Variants in SLC25A42 observed in about 807,000 individuals in gnomAD.
SLC25A42 encodes solute carrier family 25 member 42.
In SLC25A42, 19 loss-of-function variants were observed where a neutral mutation model predicts 34.7. That is an observed-to-expected ratio of 0.55 (90% CI 0.38 to 0.80). The LOEUF (loss-of-function observed/expected upper bound fraction) is 0.80, where lower values mean the gene tolerates loss of function less well. SLC25A42 is among the 30% of genes least tolerant of loss of function. The probability of loss-of-function intolerance (pLI) is 0.00; values close to 1 mark genes in which losing one functional copy is unlikely to be tolerated. For missense variants in SLC25A42, 364 were observed against 441.3 expected (o/e 0.82, Z 1.57); for synonymous variants, 205 against 191.2 (o/e 1.07, Z -0.59).
rs750560388 is a variant in SLC25A42 at position 19,104,904 on chromosome 19, T to G, written c.188-9T>G. On this transcript the variant is annotated splice_polypyrimidine_tract_variant and intron_variant, in intron 3 of 7. Transcript: ENST00000318596. ...ATCTCAGTGGCTTTTGTGCTTTTGTTTTTTCCAGTGTCTTCAAAAAGATTT... is the reference window on the plus strand; with the variant it reads ...ATCTCAGTGGCTTTTGTGCTTTTGTGTTTTCCAGTGTCTTCAAAAAGATTT... The G allele has an allele frequency of 1.2e-6, 2 of 1,614,104 alleles. No individual in the cohort carries two copies. The highest frequency in any genetic ancestry group is 3.3e-5 in the Admixed American group (2 of 60,010).
Position 19,084,203 on chromosome 19 carries a change from G to T in SLC25A42, c.-34-11888G>T, listed in dbSNP as rs2059695287. Among the ~76,000 whole-genome samples the T allele has an allele frequency of 2.0e-5, 3 of 152,146 alleles. No homozygotes were observed. In the South Asian group the frequency reaches 6.2e-4, roughly 32 times the overall value. ...AGTGTGCCCCGGCAGGCACCTTTGGGGTGTTGCACACACCATCTCCCACCC... is the reference window on the plus strand; with the variant it reads ...AGTGTGCCCCGGCAGGCACCTTTGGTGTGTTGCACACACCATCTCCCACCC... On this transcript the variant is annotated intron_variant, in intron 1 of 7. Coordinates refer to ENST00000318596, the MANE Select transcript of SLC25A42 (RefSeq NM_178526.5).
intron 6 of SLC25A42, among the ~76,000 whole-genome samples, chr19:19,107,202 A>G (rs948331562): frequency 4.0e-5 from 6 of 151,346 alleles, no homozygotes; most frequent in African/African-American, 1.5e-4. Context: ...CTGTGATCCC[A>G]GCTGCTCCAG....
intron 2 of SLC25A42, among the ~76,000 whole-genome samples, chr19:19,101,007 C>A (rs2059793477): frequency 6.6e-6 from 1 of 152,186 alleles, no homozygotes; most frequent in African/African-American, 2.4e-5. Context: ...ATGCTCTCTG[C>A]CACTTCTCAG....
intron 1 of SLC25A42, among the ~76,000 whole-genome samples, chr19:19,092,430 C>T (rs1361195667): frequency 2.0e-5 from 3 of 152,178 alleles, no homozygotes; most frequent in Admixed American, 1.3e-4. Context: ...GGGTGCCACT[C>T]GAGGCTGAGC....
chr19:19,080,489 G>A (rs1411987155), intron 1 of SLC25A42, among the ~76,000 whole-genome samples: 1 of 152,074 alleles, frequency 6.6e-6, no homozygotes, highest in Non-Finnish European at 1.5e-5. Flanking sequence ...TGATGAAATA[G>A]GTCCCTCCCA....
rs1320663118 is a variant in SLC25A42 at position 19,104,909 on chromosome 19, C to G, written c.188-4C>G. ...AGTGGCTTTTGTGCTTTTGTTTTTT[C>G]CAGTGTCTTCAAAAAGATTTTCTGC... On this transcript the variant is annotated splice_region_variant and splice_polypyrimidine_tract_variant and intron_variant, in intron 3 of 7. Coordinates refer to ENST00000318596, the MANE Select transcript of SLC25A42 (RefSeq NM_178526.5). The G allele has an allele frequency of 6.2e-7, 1 of 1,614,094 alleles. No homozygotes were observed. Among genetic ancestry groups the G allele is most frequent in the South Asian group, 1.1e-5 (1 of 91,078 alleles).
intron 3 of SLC25A42, among the ~76,000 whole-genome samples, chr19:19,103,873 G>A (rs775024809): frequency 1.4e-5 from 2 of 147,490 alleles, no homozygotes; most frequent in African/African-American, 2.5e-5. Context: ...GCAGGCCTTC[G>A]AAAGGGACAG....
At chr19:19,097,495 G>A (rs1190384946) in intron 2 of SLC25A42, among the ~76,000 whole-genome samples, 2 of 152,226 alleles carry the variant, frequency 1.3e-5, no homozygotes, top group Admixed American at 6.5e-5. Flanking sequence ...TTGAGGCAGC[G>A]GTGGCTGCTG....
At chr19:19,094,033 G>A (rs1466003902) in intron 1 of SLC25A42, among the ~76,000 whole-genome samples, 2 of 152,214 alleles carry the variant, frequency 1.3e-5, no homozygotes, top group South Asian at 2.1e-4. Context: ...GACCCTAGTC[G>A]TCACACTCCA....
At chr19:19,088,575 C>T (rs1449011889) in intron 1 of SLC25A42, among the ~76,000 whole-genome samples, 4 of 152,022 alleles carry the variant, frequency 2.6e-5, no homozygotes, top group African/African-American at 9.7e-5. Flanking sequence ...CCGCAACCTC[C>T]GCCTCCTGGG....
chr19:19,108,340 C>T (rs1489258637), intron 7 of SLC25A42, among the ~76,000 whole-genome samples: 2 of 152,126 alleles, frequency 1.3e-5, no homozygotes, highest in Non-Finnish European at 2.9e-5. Flanking sequence ...CACTTGAGGT[C>T]AGGAGTTGCA....
chr19:19,080,079 T>TGGG (rs2059673453), intron 1 of SLC25A42, among the ~76,000 whole-genome samples: 1 of 151,982 alleles, frequency 6.6e-6, no homozygotes, highest in Non-Finnish European at 1.5e-5. Context: ...GCAGGATGGG[T>TGGG]GGGAGTCAGG....
At chr19:19,073,580 T>G (rs2059641221) in intron 1 of SLC25A42, among the ~76,000 whole-genome samples, 1 of 147,056 alleles carries the variant, frequency 6.8e-6, no homozygotes, top group African/African-American at 2.5e-5. Context: ...ACATGGGGCT[T>G]TTTTTTTTTT....
At chr19:19,072,757 C>A (rs1370550296) in intron 1 of SLC25A42, among the ~76,000 whole-genome samples, 1 of 152,124 alleles carries the variant, frequency 6.6e-6, no homozygotes, top group Non-Finnish European at 1.5e-5. Flanking sequence ...ACAGCACATG[C>A]AGCCTCGACC....
At chr19:19,069,828 CTTT>C (rs775484703) in intron 1 of SLC25A42, among the ~76,000 whole-genome samples, 9 of 139,756 alleles carry the variant, frequency 6.4e-5, no homozygotes, top group Admixed American at 7.2e-5. Flanking sequence ...ATCTCCTCTT[CTTT>C]TTTTTTTTTT....
chr19:19,104,508 A>C (rs1033358315), intron 3 of SLC25A42, among the ~76,000 whole-genome samples: 4 of 152,130 alleles, frequency 2.6e-5, no homozygotes, highest in Non-Finnish European at 4.4e-5. Flanking sequence ...GGGGTGGGAG[A>C]GGCAGGATAG....
chr19:19,108,076 C>T lies in SLC25A42; in HGVS notation c.649+31C>T, dbSNP rs368993278. On this transcript the variant is annotated intron_variant, in intron 7 of 7. Transcript: ENST00000318596. Reference sequence around the variant, plus strand: ...GAGAGCTGGGAGCATGAGGAGGGGACGTTCAGGAAGCATTCCCTGGGGACA... The same window carrying T: ...GAGAGCTGGGAGCATGAGGAGGGGATGTTCAGGAAGCATTCCCTGGGGACA... The T allele has an allele frequency of 6.4e-5, 98 of 1,527,376 alleles. No individual in the cohort carries two copies. The South Asian group carries it at 8.4e-4, about 13-fold the overall frequency. 94.6% of individuals were successfully genotyped at this position (1,527,376 alleles called of 1,614,324 possible).
intron 3 of SLC25A42, 145 bp downstream of exon 3, chr19:19,102,031 C>T (rs1348359984): frequency 8.3e-6 from 5 of 599,698 alleles, no homozygotes; most frequent in South Asian, 2.2e-5. Context: ...TTTTTTGAGA[C>T]GGAGTCTCGC....
intron 1 of SLC25A42, among the ~76,000 whole-genome samples, chr19:19,093,365 C>T (rs2059748082): frequency 6.6e-6 from 1 of 152,176 alleles, no homozygotes; most frequent in Admixed American, 6.5e-5. Context: ...TACCAAGTTC[C>T]CCGACACCGC....
Sources: gnomAD v4.1 joint callset for allele counts (sites outside exome capture counted in the v4.1 genomes callset) on GRCh38, gnomAD v4.1.1 for gene constraint, MANE v1.5 for transcripts, NCBI Gene and HGNC (gene_info 2026-07-23, HGNC 2026-07-21) for gene names.